Variants in DIAPH3 observed in about 807,000 individuals in gnomAD.
The protein encoded by DIAPH3 is diaphanous related formin 3, also known as protein diaphanous homolog 3.
Under a neutral mutation model 144.3 loss-of-function variants are expected in DIAPH3, and 117 were observed. The ratio of observed to expected loss-of-function variants is 0.81; its 90% CI spans 0.70 to 0.95. The LOEUF (loss-of-function observed/expected upper bound fraction) is 0.95. DIAPH3 is among the 40% of genes least tolerant of loss of function. DIAPH3 has a pLI of 0.00. For synonymous variants in DIAPH3, 519 were observed against 488.9 expected, an observed-to-expected ratio of 1.06 and a Z score of -0.81; for missense variants, 1,421 against 1,412.7, an observed-to-expected ratio of 1.01 and a Z score of -0.09.
chr13:59,980,184 GTTTT>G (rs1455820541), intron 14 of DIAPH3, among the ~76,000 whole-genome samples: 1 of 151,494 alleles, frequency 6.6e-6, no homozygotes, highest in Non-Finnish European at 1.5e-5. Flanking sequence ...AACAAAACTG[GTTTT>G]GTTTGTGTAA....
intron 21 of DIAPH3, among the ~76,000 whole-genome samples, chr13:59,878,012 G>A (rs1394426458): frequency 6.6e-6 from 1 of 152,084 alleles, no homozygotes; most frequent in African/African-American, 2.4e-5. Flanking sequence ...CTTTTAGTAT[G>A]TGGCTTCATT....
intron 27 of DIAPH3, among the ~76,000 whole-genome samples, chr13:59,711,935 C>CA (rs1381291813): frequency 3.3e-5 from 5 of 152,166 alleles, no homozygotes; most frequent in African/African-American, 1.2e-4. Flanking sequence ...TGGCATGAGG[C>CA]AACCTGGCAG....
chr13:59,812,248 GCATC>G (rs67202819), intron 24 of DIAPH3, among the ~76,000 whole-genome samples: 13,132 of 149,818 alleles, frequency 0.088, 679 homozygotes, highest in Middle Eastern at 0.14. Context: ...ATGCATGCAT[GCATC>G]CATCCATCCA....
chr13:59,857,673 C>T (rs2043334424), intron 22 of DIAPH3, among the ~76,000 whole-genome samples: 1 of 152,058 alleles, frequency 6.6e-6, no homozygotes, highest in Admixed American at 6.6e-5. Context: ...ATAAGAATTC[C>T]TGGAAAACGT....
intron 27 of DIAPH3, among the ~76,000 whole-genome samples, chr13:59,697,076 T>C (rs915845306): frequency 6.6e-6 from 1 of 151,940 alleles, no homozygotes; most frequent in Non-Finnish European, 1.5e-5. Context: ...AATTCAGAAA[T>C]TCCAGCCTGA....
Position 59,853,655 on chromosome 13 carries a change from A to G in DIAPH3, c.2737+7752T>C, listed in dbSNP as rs536235772. Among the ~76,000 whole-genome samples, 6 of 152,280 alleles carry G rather than the reference A, an allele frequency of 3.9e-5. No homozygotes were observed. In the South Asian group the frequency reaches 1.0e-3, roughly 26 times the overall value. ...CCACTTAAACCACTTTTCTTTATAAATTACTCGGTCTCAGGTAGCTCTTTG... is the reference window on the plus strand; with the variant it reads ...CCACTTAAACCACTTTTCTTTATAAGTTACTCGGTCTCAGGTAGCTCTTTG... On this transcript the variant is annotated intron_variant, in intron 22 of 27. Coordinates refer to ENST00000400324, the MANE Select transcript of DIAPH3 (RefSeq NM_001042517.2).
Position 59,666,478 on chromosome 13 carries a change from T to A in DIAPH3, c.*106A>T. 1 of 1,278,802 alleles carries A rather than the reference T, an allele frequency of 7.8e-7. No individual in the cohort carries two copies. The highest frequency in any genetic ancestry group is 1.1e-6 in the Non-Finnish European group (1 of 929,342). The allele number at this position is 1,278,802 out of a possible 1,614,324, so 79.2% of individuals were successfully genotyped here. On this transcript the variant is annotated 3_prime_UTR_variant, in exon 28 of 28. Coordinates refer to ENST00000400324, the MANE Select transcript of DIAPH3 (RefSeq NM_001042517.2). The stretch of plus-strand genomic sequence containing the variant: ...TATTTTTCTAATATATATCATAATT[T>A]AAAACTATATAAAGTCACTTACATA...
chr13:59,714,603 C>CT (rs961041762), intron 27 of DIAPH3, among the ~76,000 whole-genome samples: 1 of 151,646 alleles, frequency 6.6e-6, no homozygotes. Context: ...ATAACTTTAC[C>CT]TTTTTTTTGT....
At chr13:59,884,753 C>T (rs2045323941) in intron 20 of DIAPH3, among the ~76,000 whole-genome samples, 1 of 129,620 alleles carries the variant, frequency 7.7e-6, no homozygotes, top group Non-Finnish European at 1.6e-5. Flanking sequence ...GAAAAAAACA[C>T]AAGTTCATTT....
intron 4 of DIAPH3, among the ~76,000 whole-genome samples, chr13:60,053,165 C>T (rs2056424869): frequency 6.6e-6 from 1 of 151,550 alleles, no homozygotes; most frequent in South Asian, 2.1e-4. Flanking sequence ...ATCAGAAATA[C>T]TCCTTTTAAG....
At chr13:59,791,000 G>A (rs1198502200) in intron 25 of DIAPH3, among the ~76,000 whole-genome samples, 2 of 152,084 alleles carry the variant, frequency 1.3e-5, no homozygotes, top group Non-Finnish European at 2.9e-5. Flanking sequence ...AGATGAGTCT[G>A]TCTCTGTTGC....
At chr13:59,888,158 A>G (rs1358588939) in intron 20 of DIAPH3, among the ~76,000 whole-genome samples, 1 of 152,062 alleles carries the variant, frequency 6.6e-6, no homozygotes, top group East Asian at 1.9e-4. Flanking sequence ...GGATTATGAC[A>G]TGGGGCCTTT....
At position 59,926,437 on chromosome 13, in the gene DIAPH3, G is replaced by A. The variant is rs181326740; in HGVS notation, c.2075-1567C>T. On this transcript the variant is annotated intron_variant, in intron 17 of 27. Coordinates refer to ENST00000400324, the MANE Select transcript of DIAPH3 (RefSeq NM_001042517.2). ...TGATTTGAAATCTATTTTTTATGTAGGCATTTTTTGCTACAAACTTCCCTC... is the reference window on the plus strand; with the variant it reads ...TGATTTGAAATCTATTTTTTATGTAAGCATTTTTTGCTACAAACTTCCCTC... Among the ~76,000 whole-genome samples, 501 of 152,090 alleles carry A rather than the reference G, an allele frequency of 3.3e-3. 2 individuals are homozygous for A. The highest frequency in any genetic ancestry group is 0.011 in the African/African-American group (461 of 41,492).
chr13:60,148,896 C>G (rs1435658419), intron 1 of DIAPH3, among the ~76,000 whole-genome samples: 1 of 152,202 alleles, frequency 6.6e-6, no homozygotes, highest in Non-Finnish European at 1.5e-5. Flanking sequence ...CTCTCTTTCC[C>G]CATACCAGAC....
Position 59,970,896 on chromosome 13 carries a change from C to A in DIAPH3, c.1915G>T (p.Glu639Ter). The A allele has an allele frequency of 6.2e-7, 1 of 1,613,522 alleles. No individual in the cohort carries two copies. Among genetic ancestry groups the A allele is most frequent in the Non-Finnish European group, 8.5e-7 (1 of 1,179,880 alleles). ...CTCATGCTGATTTCAGGTTTAAATT[C>A]TTTCTTTGGTTTCAACCCAAATGGC... ...ILPFGLKPKK[E>*]FKPEISMRRL... is the part of the protein sequence containing the mutation. Residue 639 changes from glutamate (E) to a stop codon, truncating the protein, a stop_gained, in exon 16 of 28, where the codon GAA (glutamate) becomes TAA (stop). Transcript: ENST00000400324. LOFTEE classifies it high-confidence loss of function.
intron 17 of DIAPH3, among the ~76,000 whole-genome samples, chr13:59,957,789 CAT>C (rs1469679972): frequency 2.6e-5 from 4 of 152,002 alleles, no homozygotes; most frequent in Non-Finnish European, 5.9e-5. Context: ...AATAGAAAAA[CAT>C]AAAATCTCTA....
intron 3 of DIAPH3, among the ~76,000 whole-genome samples, chr13:60,102,464 G>A (rs1415750442): frequency 1.3e-5 from 2 of 152,132 alleles, no homozygotes; most frequent in Non-Finnish European, 2.9e-5. Flanking sequence ...TGTCAGAAAA[G>A]TTCTCAAATA....
intron 17 of DIAPH3, among the ~76,000 whole-genome samples, chr13:59,928,996 A>G (rs2047888121): frequency 6.6e-6 from 1 of 152,146 alleles, no homozygotes; most frequent in Non-Finnish European, 1.5e-5. Flanking sequence ...GAGTGTAGCA[A>G]TGTGTTTTGG....
intron 12 of DIAPH3, among the ~76,000 whole-genome samples, chr13:59,984,686 A>G (rs1180460384): frequency 6.9e-6 from 1 of 145,810 alleles, no homozygotes; most frequent in Non-Finnish European, 1.5e-5. Context: ...AGAGAATACT[A>G]CAAACACCTC....
Sources: allele counts gnomAD v4.1 joint callset (sites outside exome capture counted in the v4.1 genomes callset), GRCh38; gene constraint gnomAD v4.1.1; transcripts MANE v1.5; gene names NCBI Gene and HGNC (gene_info 2026-07-23, HGNC 2026-07-21).